The following SLC8A1 variants were observed in gnomAD, a reference collection of about 807,000 sequenced individuals.
SLC8A1 encodes sodium/calcium exchanger 1.
Under a neutral mutation model 68.3 loss-of-function variants are expected in SLC8A1, and 18 were observed. That is an observed-to-expected ratio of 0.26 (90% CI 0.18 to 0.39). The LOEUF is 0.39. Ranked by LOEUF, SLC8A1 falls within the 10% of genes least tolerant of loss-of-function variation. The pLI, the probability that SLC8A1 is intolerant of heterozygous loss-of-function variation, is 1.00. For missense variants in SLC8A1, 985 were observed against 1,156.7 expected (o/e 0.85, Z 2.15); for synonymous variants, 475 against 415.5 (o/e 1.14, Z -1.74).
At chr2:40,240,636 A>C (rs1418630875) in intron 2 of SLC8A1, among the ~76,000 whole-genome samples, 2 of 152,374 alleles carry the variant, frequency 1.3e-5, no homozygotes, top group East Asian at 3.9e-4. Context: ...AGCTATGCAA[A>C]GCCATATAAA....
rs375780428 is a variant in SLC8A1 at position 40,423,288 on chromosome 2, T to A, written c.1808+5185A>T. Among the ~76,000 whole-genome samples, 3 of 152,048 alleles carry A rather than the reference T, an allele frequency of 2.0e-5. No homozygotes were observed. The East Asian group carries it at 5.8e-4, about 29-fold the overall frequency. On this transcript the variant is annotated intron_variant, in intron 2 of 7. Transcript: ENST00000406785. ...TATGCTTTTGTCCTCCAAAAGCAAA[T>A]GAAAATATTTTATCTAAAATCAAGG...
chr2:40,306,107 C>T (rs1002014955), intron 2 of SLC8A1, among the ~76,000 whole-genome samples: 1 of 152,168 alleles, frequency 6.6e-6, no homozygotes, highest in African/African-American at 2.4e-5. Flanking sequence ...CATTTGACAT[C>T]TCACCATGCA....
At chr2:40,457,745 G>A (rs905549164) in intron 1 of SLC8A1, among the ~76,000 whole-genome samples, 8 of 152,276 alleles carry the variant, frequency 5.3e-5, no homozygotes, top group Middle Eastern at 3.4e-3. Flanking sequence ...TCACCTTTGG[G>A]TTTGTTTCAG....
rs553545137 is a variant in SLC8A1, at chr2:40,196,300, A to C, written c.1809-18445T>G. On this transcript the variant is annotated intron_variant, in intron 2 of 7. Coordinates refer to ENST00000406785, the Ensembl canonical transcript of SLC8A1. ...GTAGGGGCAGTTGTAGTGAGTGGTGACTTTCCAGAGAAGTTGTCCTGAGAA... is the reference window on the plus strand; with the variant it reads ...GTAGGGGCAGTTGTAGTGAGTGGTGCCTTTCCAGAGAAGTTGTCCTGAGAA... Among the ~76,000 whole-genome samples the C allele has an allele frequency of 9.9e-5, 15 of 152,090 alleles. No individual in the cohort carries two copies. The East Asian group carries it at 2.5e-3, about 26-fold the overall frequency.
At chr2:40,340,746 G>C (rs925868277) in intron 2 of SLC8A1, among the ~76,000 whole-genome samples, 1 of 152,132 alleles carries the variant, frequency 6.6e-6, no homozygotes, top group South Asian at 2.1e-4. Context: ...TCTGTTTCTT[G>C]CTAAATTGAA....
chr2:40,457,312 T>G (rs1388814679), intron 1 of SLC8A1, among the ~76,000 whole-genome samples: 1 of 152,148 alleles, frequency 6.6e-6, no homozygotes, highest in Admixed American at 6.5e-5. Context: ...TACAATCCAG[T>G]TCAGAAGCAA....
chr2:40,375,131 G>T (rs1486726243), intron 2 of SLC8A1, among the ~76,000 whole-genome samples: 1 of 152,008 alleles, frequency 6.6e-6, no homozygotes, highest in Non-Finnish European at 1.5e-5. Context: ...TGCAGCTGAT[G>T]GTGGTCACAA....
intron 1 of SLC8A1, among the ~76,000 whole-genome samples, chr2:40,451,043 T>C (rs568848645): frequency 2.3e-4 from 35 of 152,286 alleles, no homozygotes; most frequent in African/African-American, 8.2e-4. Flanking sequence ...CGTACTGTAT[T>C]TTCAAGAGCA....
At chr2:40,238,401 G>T (rs181477418) in intron 2 of SLC8A1, among the ~76,000 whole-genome samples, 5 of 150,612 alleles carry the variant, frequency 3.3e-5, no homozygotes, top group African/African-American at 1.2e-4. Flanking sequence ...TCTTTGACTC[G>T]GAAGGGAAAC....
chr2:40,267,712 G>A (rs1273228955), intron 2 of SLC8A1, among the ~76,000 whole-genome samples: 1 of 152,136 alleles, frequency 6.6e-6, no homozygotes, highest in Non-Finnish European at 1.5e-5. Context: ...GTTGTGCTAC[G>A]TGTTTCACTA....
At position 40,418,452 on chromosome 2, in the gene SLC8A1, G is replaced by A. The variant is rs149760512; in HGVS notation, c.1808+10021C>T. Among the ~76,000 whole-genome samples the A allele has an allele frequency of 1.0e-3, 159 of 152,146 alleles. 1 individual carries two copies. The highest frequency in any genetic ancestry group is 3.6e-3 in the African/African-American group (149 of 41,516). ...ATCTTTTGTCTTTTCTCAGTAATCCGTCTGGCCTACTTCAACAACATGTCA... is the reference window on the plus strand; with the variant it reads ...ATCTTTTGTCTTTTCTCAGTAATCCATCTGGCCTACTTCAACAACATGTCA... On this transcript the variant is annotated intron_variant, in intron 2 of 7. Transcript: ENST00000406785.
intron 1 of SLC8A1, among the ~76,000 whole-genome samples, chr2:40,451,081 C>T (rs1325482673): frequency 6.6e-6 from 1 of 152,192 alleles, no homozygotes; most frequent in Admixed American, 6.5e-5. Flanking sequence ...GTTTCTTTGG[C>T]CGGCTGTCCA....
rs574861299 is a variant in SLC8A1 at position 40,130,965 on chromosome 2, C to T, written c.2437+8436G>A. On this transcript the variant is annotated intron_variant, in intron 7 of 7. Transcript: ENST00000406785. Reference sequence around the variant, plus strand: ...TACTTAGTTTTTCAGTTTTCAATTGCTGCAATGTAGCTAAGGTAAATAACC... The same window carrying T: ...TACTTAGTTTTTCAGTTTTCAATTGTTGCAATGTAGCTAAGGTAAATAACC... Among the ~76,000 whole-genome samples, 3 of 152,320 alleles carry T rather than the reference C, an allele frequency of 2.0e-5. No homozygotes were observed. The East Asian group carries it at 5.8e-4, about 29-fold the overall frequency.
intron 2 of SLC8A1, among the ~76,000 whole-genome samples, chr2:40,387,845 G>A (rs1052477353): frequency 8.0e-5 from 12 of 149,182 alleles, no homozygotes; most frequent in Admixed American, 6.1e-4. Flanking sequence ...CCTGAGACAT[G>A]AGAATTGTTT....
At chr2:40,483,068 G>T (rs1470977281) in intron 1 of SLC8A1, among the ~76,000 whole-genome samples, 3 of 151,132 alleles carry the variant, frequency 2.0e-5, no homozygotes, top group Non-Finnish European at 4.4e-5. Flanking sequence ...GCTCCCAAAG[G>T]GCTGGGATTA....
intron 2 of SLC8A1, among the ~76,000 whole-genome samples, chr2:40,282,533 T>A (rs2067677529): frequency 6.6e-6 from 1 of 152,140 alleles, no homozygotes. Flanking sequence ...TACCCAAGAT[T>A]AAAAATAAAA....
chr2:40,396,076 G>A (rs1029813157), intron 2 of SLC8A1, among the ~76,000 whole-genome samples: 5 of 152,084 alleles, frequency 3.3e-5, no homozygotes, highest in African/African-American at 1.2e-4. Context: ...AATACTTCCT[G>A]AAAACTTGAA....
At chr2:40,158,520 A>C (rs2045033540) in intron 6 of SLC8A1, among the ~76,000 whole-genome samples, 1 of 152,222 alleles carries the variant, frequency 6.6e-6, no homozygotes, top group Non-Finnish European at 1.5e-5. Flanking sequence ...TATGACAAGA[A>C]GACTTGAGAG....
intron 2 of SLC8A1, among the ~76,000 whole-genome samples, chr2:40,257,393 A>T (rs13398048): frequency 0.084 from 12,767 of 152,024 alleles, 558 homozygotes; most frequent in African/African-American, 0.1. Context: ...GAAAAAATCA[A>T]TGACGATTAT....
Sources: allele counts gnomAD v4.1 joint callset (sites outside exome capture counted in the v4.1 genomes callset), GRCh38; gene constraint gnomAD v4.1.1; transcripts MANE v1.5; gene names NCBI Gene and HGNC (gene_info 2026-07-23, HGNC 2026-07-21).